The following ERC1 variants were observed in gnomAD, a reference collection of about 807,000 sequenced individuals.
The protein encoded by ERC1 is RAB6 interacting protein 2.
In ERC1, 56 loss-of-function variants were observed where a neutral mutation model predicts 132.0. The observed-to-expected ratio is 0.42, with a 90% CI of 0.34 to 0.53. ERC1 has a LOEUF of 0.53. Ranked by LOEUF, ERC1 falls within the 20% of genes least tolerant of loss-of-function variation. The pLI is 0.03. For missense variants in ERC1, 1,202 were observed against 1,349.9 expected (o/e 0.89, Z 1.72); for synonymous variants, 478 against 476.1 (o/e 1.00, Z -0.05).
At chr12:1,289,741 G>A (rs947787473) in intron 14 of ERC1, 111 bp from the exon 15 acceptor site, 1 of 736,976 alleles carries the variant, frequency 1.4e-6, no homozygotes. Flanking sequence ...AATTTTCAAT[G>A]TGTTCCTGCG....
At chr12:1,385,211 CT>C (rs2089179919) in intron 16 of ERC1, among the ~76,000 whole-genome samples, 1 of 152,222 alleles carries the variant, frequency 6.6e-6, no homozygotes, top group African/African-American at 2.4e-5. Context: ...ATTTCAATTT[CT>C]GCTAAATGAA....
Position 1,491,595 on chromosome 12 carries a change from T to TG in ERC1, c.*1370dup, listed in dbSNP as rs113427953. 0.54 allele frequency: 122,350 copies of TG among 228,550 alleles called. 34,506 individuals carry two copies. Among genetic ancestry groups the TG allele is most frequent in the Middle Eastern group, 0.61 (458 of 750 alleles). 14.2% of individuals were successfully genotyped at this position (228,550 alleles called of 1,614,324 possible). On this transcript the variant is annotated 3_prime_UTR_variant, in exon 19 of 19. Transcript: ENST00000360905. ...AGTTCCCTAATGGAATTCATGAGTT[T>TG]GGGGGTCTCAGTCACCCGCTTGCCT...
chr12:992,639 A>G (rs1959821404), intron 1 of ERC1, among the ~76,000 whole-genome samples: 1 of 152,218 alleles, frequency 6.6e-6, no homozygotes, highest in African/African-American at 2.4e-5. Context: ...TGGAAATATT[A>G]GAGTAAGCAG....
intron 2 of ERC1, among the ~76,000 whole-genome samples, chr12:1,061,050 C>T (rs1034820203): frequency 6.6e-6 from 1 of 152,108 alleles, no homozygotes; most frequent in Non-Finnish European, 1.5e-5. Context: ...CTTGGAGATA[C>T]AATTCATGTT....
intron 17 of ERC1, among the ~76,000 whole-genome samples, chr12:1,429,607 C>T (rs1170625433): frequency 6.6e-6 from 1 of 152,184 alleles, no homozygotes; most frequent in East Asian, 1.9e-4. Flanking sequence ...GTAAAAAATA[C>T]ATGTTTCAAG....
chr12:1,407,408 T>G (rs747341908), intron 16 of ERC1, among the ~76,000 whole-genome samples: 1 of 152,104 alleles, frequency 6.6e-6, no homozygotes, highest in Non-Finnish European at 1.5e-5. Flanking sequence ...ATTTTAAAAT[T>G]AAGCATGGTG....
chr12:1,433,168 C>T (rs2092848459), intron 17 of ERC1, among the ~76,000 whole-genome samples: 1 of 152,132 alleles, frequency 6.6e-6, no homozygotes, highest in Non-Finnish European at 1.5e-5. Context: ...CAGAGGATCG[C>T]CTAAATTAAT....
intron 16 of ERC1, among the ~76,000 whole-genome samples, chr12:1,402,466 T>G (rs1591803203): frequency 6.6e-6 from 1 of 151,122 alleles, no homozygotes; most frequent in Middle Eastern, 3.4e-3. Context: ...GAGGTTGTAG[T>G]GAGCCGAGAT....
Position 1,359,547 on chromosome 12 carries a change from G to A in ERC1, c.2781-12286G>A, listed in dbSNP as rs1835208106. Among the ~76,000 whole-genome samples, 3 of 152,248 alleles carry A rather than the reference G, an allele frequency of 2.0e-5. No individual in the cohort carries two copies. The South Asian group carries it at 6.2e-4, about 32-fold the overall frequency. On this transcript the variant is annotated intron_variant, in intron 15 of 18. Transcript: ENST00000360905. ...AGGGCAAAGAGGGTAAGAGAAAGGC[G>A]GAAGGCAGGTAAAAGGAGGCCACAC...
At chr12:1,361,117 AGGTG>A (rs1008991495) in intron 15 of ERC1, among the ~76,000 whole-genome samples, 1 of 149,158 alleles carries the variant, frequency 6.7e-6, no homozygotes, top group African/African-American at 2.5e-5. Flanking sequence ...AAAAAAAAAA[AGGTG>A]GGCATGGAAG....
chr12:1,104,773 T>C lies in ERC1; in HGVS notation c.1110T>C (p.Asn370=). ...LREEMHRRFE[N]APDSAKTKAL... is the part of the protein sequence containing the mutation. ...AGGAGATGCATCGAAGGTTTGAGAA[T>C]GCTCCTGATTCTGCCAAAACAAAAG... is the stretch of plus-strand genomic sequence containing the variant. Residue 370 remains asparagine (N), a synonymous_variant, in exon 4 of 19, where the codon AAT becomes AAC. Transcript: ENST00000360905. 1.2e-6 allele frequency: 2 copies of C among 1,613,454 alleles called. No homozygotes were observed. Among genetic ancestry groups the C allele is most frequent in the South Asian group, 2.2e-5 (2 of 91,080 alleles).
At chr12:1,455,909 C>T (rs933801206) in intron 18 of ERC1, among the ~76,000 whole-genome samples, 2 of 152,106 alleles carry the variant, frequency 1.3e-5, no homozygotes, top group African/African-American at 2.4e-5. Flanking sequence ...TCCTTAGTTT[C>T]GAAAGATGCG....
chr12:1,327,985 A>G (rs1427919452), intron 15 of ERC1, among the ~76,000 whole-genome samples: 1 of 152,040 alleles, frequency 6.6e-6, no homozygotes, highest in Non-Finnish European at 1.5e-5. Context: ...CCTTTGAGAC[A>G]TATCTCCACA....
intron 13 of ERC1, among the ~76,000 whole-genome samples, chr12:1,257,400 G>A (rs913896877): frequency 5.9e-5 from 9 of 152,114 alleles, no homozygotes; most frequent in Admixed American, 1.3e-4. Context: ...GCTAAGTTTC[G>A]AAGTAACTCA....
At chr12:1,450,640 G>A (rs1005044175) in intron 18 of ERC1, among the ~76,000 whole-genome samples, 4 of 152,120 alleles carry the variant, frequency 2.6e-5, no homozygotes, top group African/African-American at 4.8e-5. Context: ...TGTGCTTTCC[G>A]TTCTTTTGGT....
chr12:1,255,621 C>CTTTTGTTTTTTTTTTT (rs1566399460), intron 13 of ERC1, among the ~76,000 whole-genome samples: 2 of 61,558 alleles, frequency 3.2e-5, no homozygotes, highest in African/African-American at 6.0e-5. Context: ...GCTTCCTGGC[C>CTTTTGTTTTTTTTTTT]TTTTTTTTTT....
intron 8 of ERC1, among the ~76,000 whole-genome samples, chr12:1,149,775 T>G (rs977040042): frequency 6.6e-6 from 1 of 152,196 alleles, no homozygotes; most frequent in Non-Finnish European, 1.5e-5. Context: ...ACATAGATAT[T>G]GACTGGCAAA....
chr12:1,162,455 C>A (rs933473158), intron 8 of ERC1, among the ~76,000 whole-genome samples: 2 of 149,646 alleles, frequency 1.3e-5, no homozygotes, highest in African/African-American at 4.9e-5. Flanking sequence ...CTGTTTATTT[C>A]GTTTTGCTTG....
intron 16 of ERC1, among the ~76,000 whole-genome samples, chr12:1,374,778 A>G (rs985366168): frequency 1.3e-5 from 2 of 149,852 alleles, no homozygotes; most frequent in Non-Finnish European, 2.9e-5. Flanking sequence ...TGTGTGCTCT[A>G]CACAGATGTG....
Sources: gnomAD v4.1 joint callset for allele counts (sites outside exome capture counted in the v4.1 genomes callset) on GRCh38, gnomAD v4.1.1 for gene constraint, MANE v1.5 for transcripts, NCBI Gene and HGNC (gene_info 2026-07-23, HGNC 2026-07-21) for gene names.